ATAD2B: variants seen among roughly 807,000 people sequenced by gnomAD.
ATAD2B encodes ATPase family AAA domain containing 2B.
A neutral mutation model predicts 167.6 loss-of-function variants in ATAD2B; 40 were observed. The ratio of observed to expected loss-of-function variants is 0.24; its 90% CI spans 0.19 to 0.31. The LOEUF is 0.31. ATAD2B is among the 10% of genes least tolerant of loss of function. The probability of loss-of-function intolerance (pLI) is 1.00; values close to 1 mark genes in which losing one functional copy is unlikely to be tolerated. For synonymous variants in ATAD2B, 579 were observed against 596.5 expected (o/e 0.97, Z 0.43); for missense variants, 1,242 against 1,757.2 (o/e 0.71, Z 5.24).
chr2:23,805,795 T>TAAAAA (rs3030816), intron 18 of ATAD2B, among the ~76,000 whole-genome samples: 12,491 of 100,900 alleles, frequency 0.12, 779 homozygotes, highest in South Asian at 0.19. Context: ...TATCAAGCTT[T>TAAAAA]AAAAAAAAAA....
intron 1 of ATAD2B, among the ~76,000 whole-genome samples, chr2:23,909,477 T>A (rs572518803): frequency 6.6e-6 from 1 of 151,710 alleles, no homozygotes; most frequent in Non-Finnish European, 1.5e-5. Flanking sequence ...TACATATATA[T>A]ATACATACAT....
chr2:23,731,603 G>C, the ATAD2B span, among the ~76,000 whole-genome samples: 2 of 152,172 alleles, frequency 1.3e-5, no homozygotes. Context: ...TCTTCTAGTA[G>C]CTGCATTATC....
At chr2:23,709,561 T>C in the ATAD2B span, among the ~76,000 whole-genome samples, 3 of 151,994 alleles carry the variant, frequency 2.0e-5, no homozygotes, top group African/African-American at 7.3e-5. Context: ...AGAAAGCATA[T>C]TGGCCAGCTT....
chr2:23,696,861 C>G, the ATAD2B span: 1 of 215,760 alleles, frequency 4.6e-6, no homozygotes. This position sits in a 1 kb window ranked among gnomAD's most constrained non-coding sequence, Gnocchi z 5.5. Context: ...CAGGGAACAC[C>G]CTGCACCATG....
At chr2:23,814,505 A>ATCTTGT (rs1686120711) in intron 17 of ATAD2B, among the ~76,000 whole-genome samples, 1 of 152,226 alleles carries the variant, frequency 6.6e-6, no homozygotes, top group South Asian at 2.1e-4. Flanking sequence ...CCAAGGCAGA[A>ATCTTGT]ACCCAAAAGA....
the ATAD2B span, among the ~76,000 whole-genome samples, chr2:23,737,262 C>A: frequency 1.3e-5 from 2 of 152,172 alleles, no homozygotes; most frequent in African/African-American, 4.8e-5. Flanking sequence ...CAAGTGGGTC[C>A]CTGACCCCCG....
chr2:23,868,717 T>G (rs1254248663), intron 9 of ATAD2B, among the ~76,000 whole-genome samples: 1 of 152,210 alleles, frequency 6.6e-6, no homozygotes, highest in Non-Finnish European at 1.5e-5. Flanking sequence ...TTTGTGTAAC[T>G]ACCTTAAGAG....
chr2:23,826,276 T>A (rs1688235405), intron 15 of ATAD2B, among the ~76,000 whole-genome samples: 1 of 152,198 alleles, frequency 6.6e-6, no homozygotes, highest in African/African-American at 2.4e-5. Context: ...TAACCATGGC[T>A]AAATGGGTTA....
Position 23,880,630 on chromosome 2 carries a change from G to A in ATAD2B, c.901+9C>T. On this transcript the variant is annotated intron_variant, in intron 7 of 27. Transcript: ENST00000238789. ...ACCAGAAAGAAAAAAGTTATTTAGAGTTGCCTACCTATTGGAGGTGCTTGG... is the reference window on the plus strand; with the variant it reads ...ACCAGAAAGAAAAAAGTTATTTAGAATTGCCTACCTATTGGAGGTGCTTGG... 2 of 1,499,066 alleles carry A rather than the reference G, an allele frequency of 1.3e-6. No homozygotes were observed. The highest frequency in any genetic ancestry group is 2.3e-5 in the East Asian group (1 of 44,034). The allele number at this position is 1,499,066 out of a possible 1,614,324, so 92.9% of individuals were successfully genotyped here. A position where few individuals can be genotyped will look rare whatever the true frequency, so the allele number is the denominator to read the frequency against.
At chr2:23,833,776 A>T in intron 14 of ATAD2B, 143 bp downstream of exon 14, 1 of 669,290 alleles carries the variant, frequency 1.5e-6, no homozygotes, top group Non-Finnish European at 2.4e-6. Flanking sequence ...TTCCATAATT[A>T]CATAGGTTTT....
chr2:23,709,026 T>TTTTC, the ATAD2B span, among the ~76,000 whole-genome samples: 1 of 151,062 alleles, frequency 6.6e-6, no homozygotes, highest in East Asian at 1.9e-4. Context: ...GGGTGATTTC[T>TTTTC]TTTCTTTTCT....
At position 23,926,855 on chromosome 2, in the gene ATAD2B, G is replaced by C. The variant is rs1448981013; in HGVS notation, c.-85C>G. The C allele has an allele frequency of 7.0e-7, 1 of 1,424,716 alleles. No individual in the cohort carries two copies. The highest frequency in any genetic ancestry group is 1.5e-5 in the African/African-American group (1 of 66,612). 88.3% of individuals were successfully genotyped at this position (1,424,716 alleles called of 1,614,324 possible). Reference sequence around the variant, plus strand: ...GCCGGCCGGTCAGTCAGGGCCAGCGGAGCCGAGCCGGGCAATGAGAGACGA... The same window carrying C: ...GCCGGCCGGTCAGTCAGGGCCAGCGCAGCCGAGCCGGGCAATGAGAGACGA... On this transcript the variant is annotated 5_prime_UTR_variant, in exon 1 of 28. Coordinates refer to ENST00000238789, the MANE Select transcript of ATAD2B (RefSeq NM_017552.4).
intron 1 of ATAD2B, among the ~76,000 whole-genome samples, chr2:23,907,257 A>T (rs1219469436): frequency 6.6e-6 from 1 of 152,196 alleles, no homozygotes; most frequent in Admixed American, 6.5e-5. Flanking sequence ...GCTGATAAGC[A>T]ACTTCAGCAA....
At chr2:23,881,424 G>A (rs548831865) in intron 6 of ATAD2B, among the ~76,000 whole-genome samples, 147 of 137,916 alleles carry the variant, frequency 1.1e-3, no homozygotes, top group African/African-American at 3.8e-3. Flanking sequence ...ACAGTGGCGT[G>A]ATCTGGGCTT....
At chr2:23,872,775 A>G in intron 8 of ATAD2B, 1 of 934,866 alleles carries the variant, frequency 1.1e-6, no homozygotes. Context: ...ACTACAGGCA[A>G]CCACATCTGA....
intron 1 of ATAD2B, among the ~76,000 whole-genome samples, chr2:23,909,639 G>A (rs1391706180): frequency 6.6e-6 from 1 of 151,978 alleles, no homozygotes. Flanking sequence ...TTTAACAGTG[G>A]TTATCCCTCG....
chr2:23,741,631 ACATAGG>A, the ATAD2B span, among the ~76,000 whole-genome samples: 3 of 152,228 alleles, frequency 2.0e-5, no homozygotes, highest in Admixed American at 2.0e-4. Flanking sequence ...ACCATTCAGG[ACATAGG>A]CATGGGCAAG....
chr2:23,764,022 G>A (rs972080537), intron 23 of ATAD2B, among the ~76,000 whole-genome samples: 7 of 152,134 alleles, frequency 4.6e-5, no homozygotes, highest in African/African-American at 1.7e-4. Context: ...AGACATCTGG[G>A]TTGTTTCCAG....
intron 1 of ATAD2B, among the ~76,000 whole-genome samples, chr2:23,917,868 G>C (rs548525064): frequency 6.6e-6 from 1 of 152,170 alleles, no homozygotes; most frequent in South Asian, 2.1e-4. Context: ...AGACCAGCCT[G>C]ACCAACATGG....
Sources: gnomAD v4.1 joint callset for allele counts (sites outside exome capture counted in the v4.1 genomes callset) on GRCh38, gnomAD v4.1.1 for gene constraint, Gnocchi (gnomAD v3.1) non-coding constraint, MANE v1.5 for transcripts, NCBI Gene and HGNC (gene_info 2026-07-23, HGNC 2026-07-21) for gene names.